The following POFUT3 variants were observed in gnomAD, a reference collection of about 807,000 sequenced individuals.
POFUT3 encodes GDP-fucose protein O-fucosyltransferase 3.
At chr8:33,332,762 C>T in the POFUT3 span, among the ~76,000 whole-genome samples, 42 of 152,152 alleles carry the variant, frequency 2.8e-4, no homozygotes, top group Non-Finnish European at 5.1e-4. Context: ...AAGGAAGGGG[C>T]CTTAACCATT....
At chr8:33,353,917 T>C in the POFUT3 span, among the ~76,000 whole-genome samples, 2 of 152,176 alleles carry the variant, frequency 1.3e-5, no homozygotes, top group Non-Finnish European at 2.9e-5. Context: ...ATAGAAAGCC[T>C]CTTTTTCTGG....
chr8:33,428,207 A>C, the POFUT3 span, among the ~76,000 whole-genome samples: 2 of 152,200 alleles, frequency 1.3e-5, no homozygotes, highest in Non-Finnish European at 2.9e-5. Context: ...TAAAAGACAT[A>C]AGGCTGTCTC....
At chr8:33,472,245 A>C in the POFUT3 span, among the ~76,000 whole-genome samples, 1 of 152,204 alleles carries the variant, frequency 6.6e-6, no homozygotes, top group Non-Finnish European at 1.5e-5. Flanking sequence ...TCATGCACAA[A>C]ACACTCTAAC....
At chr8:33,328,849 A>G in the POFUT3 span, among the ~76,000 whole-genome samples, 1 of 152,172 alleles carries the variant, frequency 6.6e-6, no homozygotes, top group Non-Finnish European at 1.5e-5. Context: ...ACCCACAAAG[A>G]TATGGGGGCA....
At chr8:33,409,849 G>A in the POFUT3 span, among the ~76,000 whole-genome samples, 3 of 152,214 alleles carry the variant, frequency 2.0e-5, no homozygotes, top group South Asian at 2.1e-4. Flanking sequence ...AGCTTGCAGT[G>A]AGCGGAGATT....
the POFUT3 span, among the ~76,000 whole-genome samples, chr8:33,396,278 C>G: frequency 6.6e-6 from 1 of 152,170 alleles, no homozygotes; most frequent in South Asian, 2.1e-4. Flanking sequence ...GTATAACCTT[C>G]TCTTTCTGTA....
the POFUT3 span, among the ~76,000 whole-genome samples, chr8:33,463,551 T>C: frequency 1.3e-5 from 2 of 152,196 alleles, no homozygotes; most frequent in African/African-American, 2.4e-5. Flanking sequence ...TACCTTGATT[T>C]ACTTTTTTTT....
At chr8:33,424,835 G>T in the POFUT3 span, among the ~76,000 whole-genome samples, 1 of 152,088 alleles carries the variant, frequency 6.6e-6, no homozygotes, top group Non-Finnish European at 1.5e-5. Context: ...CACTGCTCTT[G>T]CCGCAAAAAT....
At chr8:33,419,314 C>G in the POFUT3 span, among the ~76,000 whole-genome samples, 1 of 152,168 alleles carries the variant, frequency 6.6e-6, no homozygotes, top group South Asian at 2.1e-4. Context: ...GGACTGGTTT[C>G]ATGGAAGACA....
the POFUT3 span, among the ~76,000 whole-genome samples, chr8:33,343,132 A>G: frequency 6.6e-6 from 1 of 152,062 alleles, no homozygotes; most frequent in Non-Finnish European, 1.5e-5. Context: ...AAAAAGGAAA[A>G]GAAAACTTAC....
At chr8:33,398,495 G>C in the POFUT3 span, among the ~76,000 whole-genome samples, 2 of 152,030 alleles carry the variant, frequency 1.3e-5, no homozygotes, top group Admixed American at 1.3e-4. Flanking sequence ...CTCTTACACT[G>C]AGCGAAAATC....
the POFUT3 span, among the ~76,000 whole-genome samples, chr8:33,344,309 G>T: frequency 6.6e-6 from 1 of 152,168 alleles, no homozygotes; most frequent in Non-Finnish European, 1.5e-5. Flanking sequence ...TCAGAGATGT[G>T]AATTCATTAC....
At chr8:33,309,298 T>C in the POFUT3 span, among the ~76,000 whole-genome samples, 1 of 150,336 alleles carries the variant, frequency 6.7e-6, no homozygotes, top group Admixed American at 6.7e-5. Context: ...CATTGGCTTA[T>C]TATATCTGCA....
the POFUT3 span, among the ~76,000 whole-genome samples, chr8:33,384,229 T>A: frequency 6.6e-6 from 1 of 152,276 alleles, no homozygotes; most frequent in African/African-American, 2.4e-5. Flanking sequence ...GTAGGAATGA[T>A]GGAGGCTATG....
At chr8:33,471,942 C>G in the POFUT3 span, among the ~76,000 whole-genome samples, 3 of 152,154 alleles carry the variant, frequency 2.0e-5, no homozygotes, top group African/African-American at 7.2e-5. Flanking sequence ...ACGGAGACTA[C>G]GGTGCTGCTA....
chr8:33,314,250 A>G, the POFUT3 span, among the ~76,000 whole-genome samples: 65,328 of 152,026 alleles, frequency 0.43, 15,792 homozygotes, highest in East Asian at 0.8. Flanking sequence ...AGCCTCTCCA[A>G]CTGAGGGTGA....
the POFUT3 span, among the ~76,000 whole-genome samples, chr8:33,395,792 G>A: frequency 1.1e-4 from 16 of 152,140 alleles, no homozygotes; most frequent in South Asian, 8.3e-4. Context: ...GCTGGTATGC[G>A]GTTTGTTCCT....
the POFUT3 span, chr8:33,473,072 G>C: frequency 1.3e-5 from 2 of 152,236 alleles, no homozygotes; most frequent in Non-Finnish European, 2.9e-5. Flanking sequence ...ACCTCGCGCG[G>C]AGCAGGGTTC....
chr8:33,427,025 G>A, the POFUT3 span, among the ~76,000 whole-genome samples: 1 of 152,212 alleles, frequency 6.6e-6, no homozygotes, highest in Admixed American at 6.5e-5. Context: ...TAGGACAGCA[G>A]GTGAAAGCCA....
Sources: allele counts gnomAD v4.1 joint callset (sites outside exome capture counted in the v4.1 genomes callset), GRCh38; gene constraint gnomAD v4.1.1; transcripts MANE v1.5; gene names NCBI Gene and HGNC (gene_info 2026-07-23, HGNC 2026-07-21).